ZNF407: variants seen among roughly 807,000 people sequenced by gnomAD.
ZNF407 encodes zinc finger protein 407.
ZNF407 carries 17 observed loss-of-function variants against 131.2 expected under a neutral mutation model. The observed-to-expected ratio is 0.13, with a 90% CI of 0.09 to 0.19. The LOEUF (loss-of-function observed/expected upper bound fraction) is 0.19. Among genes scored for constraint, ZNF407 ranks in the 10% least tolerant of loss-of-function variants. ZNF407 has a pLI of 1.00. For missense variants in ZNF407, 2,681 were observed against 2,830.6 expected (o/e 0.95, Z 1.20); for synonymous variants, 1,156 against 1,062.0 (o/e 1.09, Z -1.72).
At chr18:74,823,418 A>G (rs1311413410) in intron 4 of ZNF407, among the ~76,000 whole-genome samples, 5 of 152,206 alleles carry the variant, frequency 3.3e-5, no homozygotes, top group Non-Finnish European at 4.4e-5. Context: ...CAGACTGGCA[A>G]GTTGGATGCA....
chr18:74,900,147 C>T (rs1212602413), intron 7 of ZNF407, among the ~76,000 whole-genome samples: 1 of 152,188 alleles, frequency 6.6e-6, no homozygotes, highest in Non-Finnish European at 1.5e-5. Context: ...ACAGTGTATA[C>T]GTGATTAGGG....
chr18:74,657,166 C>T (rs1985498807), intron 3 of ZNF407, among the ~76,000 whole-genome samples: 1 of 149,980 alleles, frequency 6.7e-6, no homozygotes, highest in Non-Finnish European at 1.5e-5. Flanking sequence ...TTTGTATCTA[C>T]AGTGGAAGGC....
intron 3 of ZNF407, among the ~76,000 whole-genome samples, chr18:74,742,967 G>A (rs1968584821): frequency 6.6e-6 from 1 of 152,116 alleles, no homozygotes; most frequent in Admixed American, 6.6e-5. Context: ...AAACCCTTAG[G>A]TAATGAACCA....
intron 3 of ZNF407, among the ~76,000 whole-genome samples, chr18:74,713,671 C>G: frequency 6.6e-6 from 1 of 151,992 alleles, no homozygotes; most frequent in East Asian, 1.9e-4. Context: ...ATGAATAAAA[C>G]AAAACTATAA....
At chr18:74,673,787 C>G (rs1268339449) in intron 3 of ZNF407, among the ~76,000 whole-genome samples, 2 of 152,186 alleles carry the variant, frequency 1.3e-5, no homozygotes. Context: ...ATTTAAATAT[C>G]TCTGCATTTT....
At chr18:74,748,284 CTTT>C (rs35881659) in intron 3 of ZNF407, among the ~76,000 whole-genome samples, 3 of 138,654 alleles carry the variant, frequency 2.2e-5, no homozygotes, top group African/African-American at 2.6e-5. Flanking sequence ...AAAATTCTTT[CTTT>C]TTTTTTTTTT....
chr18:74,765,728 C>G (rs1969214064), intron 3 of ZNF407, among the ~76,000 whole-genome samples: 1 of 152,212 alleles, frequency 6.6e-6, no homozygotes, highest in Non-Finnish European at 1.5e-5. Context: ...GGGGTCTCAC[C>G]TCTCTGCCCT....
At chr18:74,852,944 T>C (rs968735865) in intron 4 of ZNF407, among the ~76,000 whole-genome samples, 1 of 152,236 alleles carries the variant, frequency 6.6e-6, no homozygotes, top group Non-Finnish European at 1.5e-5. Context: ...AATTTCATAG[T>C]CAACTGGTTC....
rs150212136 is a variant in ZNF407, at chr18:74,814,563, A to G, written c.4877+33061A>G. ...AGGAAGAAATTCAGTTTGTTGAAGA[A>G]CAATCAGTATGATTTTATCCTCTGT... On this transcript the variant is annotated intron_variant, in intron 4 of 8. Transcript: ENST00000299687. 6.3e-4 allele frequency among the ~76,000 whole-genome samples: 95 copies of G among 151,266 alleles called. 1 individual carries two copies. In the East Asian group the frequency reaches 0.018, roughly 29 times the overall value.
chr18:74,641,574 G>T (rs1157098234), intron 3 of ZNF407, among the ~76,000 whole-genome samples: 1 of 152,096 alleles, frequency 6.6e-6, no homozygotes, highest in Admixed American at 6.5e-5. Flanking sequence ...AATTTCAGAT[G>T]GCTGGTTACT....
At chr18:74,917,566 C>CA (rs1242148748) in intron 7 of ZNF407, among the ~76,000 whole-genome samples, 1 of 152,120 alleles carries the variant, frequency 6.6e-6, no homozygotes, top group Non-Finnish European at 1.5e-5. Flanking sequence ...TTACCTATTT[C>CA]AGTAATAGTC....
chr18:74,971,437 T>C (rs997014162), intron 8 of ZNF407, among the ~76,000 whole-genome samples: 3 of 152,248 alleles, frequency 2.0e-5, no homozygotes, highest in Admixed American at 2.0e-4. Context: ...ATCTCTTGAA[T>C]GCTTTGCTGC....
intron 3 of ZNF407, among the ~76,000 whole-genome samples, chr18:74,647,384 C>T (rs1047092337): frequency 2.0e-5 from 3 of 152,086 alleles, no homozygotes; most frequent in Admixed American, 2.0e-4. Flanking sequence ...TTTGAGGCTA[C>T]AGTGAGCTAT....
Position 74,803,988 on chromosome 18 carries a change from C to G in ZNF407, c.4877+22486C>G, listed in dbSNP as rs771367636. 4.5e-6 allele frequency: 7 copies of G among 1,551,598 alleles called. No individual in the cohort carries two copies. The Admixed American group carries it at 1.2e-4, about 26-fold the overall frequency. On this transcript the variant is annotated intron_variant, in intron 4 of 8. Transcript: ENST00000299687. ...GAGTAAAGGTTGCATATCGAAAGAT[C>G]GGGACGTTGCCAGGAATACAGAACA... is the stretch of plus-strand genomic sequence containing the variant.
chr18:74,757,255 A>G (rs1397911882), intron 3 of ZNF407, among the ~76,000 whole-genome samples: 1 of 151,870 alleles, frequency 6.6e-6, no homozygotes, highest in Non-Finnish European at 1.5e-5. Flanking sequence ...GTAAGAATGG[A>G]GACTTTCTTT....
At chr18:74,693,682 C>T (rs1384119617) in intron 3 of ZNF407, among the ~76,000 whole-genome samples, 2 of 152,062 alleles carry the variant, frequency 1.3e-5, no homozygotes, top group African/African-American at 4.8e-5. Context: ...ATTAGTATTT[C>T]GAAGTACCTT....
chr18:74,713,799 T>C (rs1440712008), intron 3 of ZNF407, among the ~76,000 whole-genome samples: 1 of 152,210 alleles, frequency 6.6e-6, no homozygotes, highest in African/African-American at 2.4e-5. Flanking sequence ...ATTACAAATA[T>C]TTTAAATTCA....
intron 3 of ZNF407, among the ~76,000 whole-genome samples, chr18:74,707,454 A>T (rs987139813): frequency 1.3e-5 from 2 of 152,010 alleles, no homozygotes; most frequent in Non-Finnish European, 2.9e-5. Flanking sequence ...ATTTTTGATT[A>T]TTTGCATTAT....
At position 74,740,221 on chromosome 18, in the gene ZNF407, A is replaced by G. The variant is rs149130978; in HGVS notation, c.4803-41207A>G. On this transcript the variant is annotated intron_variant, in intron 3 of 8. Transcript: ENST00000299687. ...ACAGCATTCCCTGGTTTTTCACCTCATCATTCCAATTCCCGCTTCTTTGCC... is the reference window on the plus strand; with the variant it reads ...ACAGCATTCCCTGGTTTTTCACCTCGTCATTCCAATTCCCGCTTCTTTGCC... Among the ~76,000 whole-genome samples the G allele has an allele frequency of 3.0e-4, 46 of 152,272 alleles. No homozygotes were observed. In the East Asian group the frequency reaches 6.9e-3, roughly 23 times the overall value.
Sources: gnomAD v4.1 joint callset for allele counts (sites outside exome capture counted in the v4.1 genomes callset) on GRCh38, gnomAD v4.1.1 for gene constraint, MANE v1.5 for transcripts, NCBI Gene and HGNC (gene_info 2026-07-23, HGNC 2026-07-21) for gene names.